MGAT5B: variants seen among roughly 807,000 people sequenced by gnomAD.
MGAT5B encodes the protein N-acetylglucosaminyl-transferase Vb.
MGAT5B carries 54 observed loss-of-function variants against 95.1 expected under a neutral mutation model. The ratio of observed to expected loss-of-function variants is 0.57; its 90% CI spans 0.46 to 0.71. MGAT5B has a LOEUF of 0.71. MGAT5B is among the 30% of genes least tolerant of loss of function. The pLI is 0.00. For missense variants in MGAT5B, 935 were observed against 1,088.6 expected (o/e 0.86, Z 1.99); for synonymous variants, 464 against 451.0 (o/e 1.03, Z -0.36).
chr17:76,903,988 C>G (rs1321800770), intron 5 of MGAT5B, among the ~76,000 whole-genome samples: 1 of 152,246 alleles, frequency 6.6e-6, no homozygotes, highest in African/African-American at 2.4e-5. Context: ...TGGCTCTTTG[C>G]CCCAGACCTT....
At chr17:76,874,755 G>A (rs376288558) in intron 2 of MGAT5B, among the ~76,000 whole-genome samples, 4 of 152,126 alleles carry the variant, frequency 2.6e-5, no homozygotes, top group Admixed American at 2.6e-4. Flanking sequence ...ATCAGACTCA[G>A]TGCCCCAGAG....
chr17:76,935,268 A>AC (rs1428034507), intron 12 of MGAT5B, among the ~76,000 whole-genome samples: 1 of 152,160 alleles, frequency 6.6e-6, no homozygotes, highest in Admixed American at 6.5e-5. Context: ...GTAGGTGGCA[A>AC]CCCATGGATA....
chr17:76,884,131 GTAAGA>G (rs1967534111), intron 3 of MGAT5B, among the ~76,000 whole-genome samples: 1 of 152,168 alleles, frequency 6.6e-6, no homozygotes, highest in African/African-American at 2.4e-5. Flanking sequence ...CTTAAGATAG[GTAAGA>G]TAAGATAGAT....
chr17:76,905,694 C>T lies in MGAT5B; in HGVS notation c.856-324C>T, dbSNP rs1968499218. Among the ~76,000 whole-genome samples, 1 of 152,098 alleles carries T rather than the reference C, an allele frequency of 6.6e-6. No homozygotes were observed. The highest frequency in any genetic ancestry group is 1.5e-5 in the Non-Finnish European group (1 of 68,004). On this transcript the variant is annotated intron_variant, in intron 7 of 17. Coordinates refer to ENST00000569840, the MANE Select transcript of MGAT5B (RefSeq NM_001199172.2). The surrounding 1 kb of genome is among the most constrained non-coding windows in gnomAD (Gnocchi z 4.2). ...TCCTTCCCTCCCTCCCTCCCTCCAC[C>T]CAGTAGATATTTACGTGGCTCTCAC...
At chr17:76,871,723 T>C (rs973933190) in intron 1 of MGAT5B, among the ~76,000 whole-genome samples, 3 of 152,044 alleles carry the variant, frequency 2.0e-5, no homozygotes, top group Non-Finnish European at 4.4e-5. Flanking sequence ...GACGTGGGGC[T>C]CTCTCCAGGG....
rs756745493 is a variant in MGAT5B at position 76,904,203 on chromosome 17, G to A, written c.520-49G>A. ...GTGCACGTGCGGGGGAGTCCCCGAG[G>A]GTCAGTGGGGCTGGCGCAGCCCCCT... On this transcript the variant is annotated intron_variant, in intron 5 of 17. Coordinates refer to ENST00000569840, the MANE Select transcript of MGAT5B (RefSeq NM_001199172.2). The A allele has an allele frequency of 1.3e-5, 20 of 1,551,100 alleles. No homozygotes were observed. In the Admixed American group the frequency reaches 2.3e-4, roughly 18 times the overall value.
chr17:76,925,125 G>T (rs201901190), intron 9 of MGAT5B, 28 bp downstream of exon 9: 1 of 1,609,440 alleles, frequency 6.2e-7, no homozygotes, highest in Non-Finnish European at 8.5e-7. Flanking sequence ...GGGTGGGCAC[G>T]TGGCCCACAT....
At position 76,905,957 on chromosome 17, in the gene MGAT5B, G is replaced by T; in HGVS notation, c.856-61G>T. The T allele has an allele frequency of 6.7e-7, 1 of 1,498,166 alleles. No homozygotes were observed. Among genetic ancestry groups the T allele is most frequent in the Non-Finnish European group, 8.9e-7 (1 of 1,125,056 alleles). The allele number at this position is 1,498,166 out of a possible 1,614,324, so 92.8% of individuals were successfully genotyped here. A position where few individuals can be genotyped will look rare whatever the true frequency, so the allele number is the denominator to read the frequency against. ...GGCTGGTCTCCTGGCCGGTGCCCCG[G>T]GGGGGCGGGGCTCAGAGCTGCTGCT... On this transcript the variant is annotated intron_variant, in intron 7 of 17. Coordinates refer to ENST00000569840, the MANE Select transcript of MGAT5B (RefSeq NM_001199172.2). This position sits in a 1 kb window ranked among gnomAD's most constrained non-coding sequence, Gnocchi z 4.2.
Position 76,868,986 on chromosome 17 carries a change from C to A in MGAT5B, c.-44C>A. 2 of 1,585,898 alleles carry A rather than the reference C, an allele frequency of 1.3e-6. No homozygotes were observed. The highest frequency in any genetic ancestry group is 2.2e-5 in the South Asian group (2 of 90,548). On this transcript the variant is annotated 5_prime_UTR_variant, in exon 1 of 18. Transcript: ENST00000569840. The surrounding 1 kb of genome is among the most constrained non-coding windows in gnomAD (Gnocchi z 6.3). Reference sequence around the variant, plus strand: ...GGCGAGAGCTGGGCCCAGGACGGTGCGTCCGGCCTCGCCCGCGGCTGCTCG... The same window carrying A: ...GGCGAGAGCTGGGCCCAGGACGGTGAGTCCGGCCTCGCCCGCGGCTGCTCG...
intron 3 of MGAT5B, among the ~76,000 whole-genome samples, chr17:76,888,168 G>C (rs1967732209): frequency 6.6e-6 from 1 of 152,170 alleles, no homozygotes; most frequent in Non-Finnish European, 1.5e-5. Flanking sequence ...GTTTGGAAGA[G>C]AGGAGTCCTC....
chr17:76,942,340 C>T (rs1881262472), intron 15 of MGAT5B, among the ~76,000 whole-genome samples: 1 of 152,088 alleles, frequency 6.6e-6, no homozygotes, highest in Admixed American at 6.5e-5. Flanking sequence ...GCAGCCTGGC[C>T]AACATGGTGA....
chr17:76,931,995 G>A (rs77135964), intron 10 of MGAT5B, among the ~76,000 whole-genome samples: 2 of 151,636 alleles, frequency 1.3e-5, no homozygotes, highest in Non-Finnish European at 1.5e-5. Context: ...GCTACTGCTG[G>A]TGGTGCTTCT....
At chr17:76,873,971 CTGGG>C (rs1967093398) in intron 2 of MGAT5B, among the ~76,000 whole-genome samples, 1 of 152,182 alleles carries the variant, frequency 6.6e-6, no homozygotes, top group Non-Finnish European at 1.5e-5. Flanking sequence ...AGGTTGTCAT[CTGGG>C]TGGGTGCTGA....
rs1969731785 is a variant in MGAT5B, at chr17:76,938,002, C to T, written c.1443C>T (p.Phe481=). ...SIWKLQGKEK[F]LGILNKYMEI... ...TCTTTTTCCAGGGGAAGGAGAAGTT[C>T]CTGGGCATCCTGAACAAATACATGG... is the stretch of plus-strand genomic sequence containing the variant. Residue 481 remains phenylalanine, a synonymous_variant, in exon 13 of 18, where the codon TTC becomes TTT. Transcript: ENST00000569840. This position sits in a 1 kb window ranked among gnomAD's most constrained non-coding sequence, Gnocchi z 4.3. 6 of 1,613,700 alleles carry T rather than the reference C, an allele frequency of 3.7e-6. No homozygotes were observed. The highest frequency in any genetic ancestry group is 1.3e-5 in the African/African-American group (1 of 74,930).
At position 76,905,251 on chromosome 17, in the gene MGAT5B, C is replaced by T; in HGVS notation, c.773C>T (p.Thr258Ile). Residue 258 changes from threonine to isoleucine, a missense_variant, in exon 7 of 18, where the codon ACC becomes ATC. Thr to Ile is a moderately conservative substitution (Grantham distance 89, BLOSUM62 -1). Around this residue, in one of 4 missense-constraint regions of MGAT5B, gnomAD observed 243 missense variants for 305.5 expected, o/e 0.80. Transcript: ENST00000569840. The surrounding 1 kb of genome is among the most constrained non-coding windows in gnomAD (Gnocchi z 4.2). ...TCCCTGATCTTCATGAAGAAGCGGA[C>T]CAAGAGGCTCACAGCCCAGTGGGCG... ...KESLIFMKKR[T>I]KRLTAQWALA... 1 of 1,613,198 alleles carries T rather than the reference C, an allele frequency of 6.2e-7. No individual in the cohort carries two copies. The highest frequency in any genetic ancestry group is 8.5e-7 in the Non-Finnish European group (1 of 1,179,588).
chr17:76,933,193 C>A, intron 11 of MGAT5B, 99 bp from the exon 12 acceptor site: 1 of 1,508,406 alleles, frequency 6.6e-7, no homozygotes, highest in Non-Finnish European at 9.1e-7. Flanking sequence ...GGGTTGGGGG[C>A]CCCAGAGAGG....
chr17:76,894,911 G>A (rs916957443), intron 3 of MGAT5B, among the ~76,000 whole-genome samples: 1 of 151,760 alleles, frequency 6.6e-6, no homozygotes, highest in Non-Finnish European at 1.5e-5. Context: ...ATTTTAAATG[G>A]CATTGATTTC....
At chr17:76,935,213 C>T (rs962619242) in intron 12 of MGAT5B, among the ~76,000 whole-genome samples, 1 of 152,156 alleles carries the variant, frequency 6.6e-6, no homozygotes, top group African/African-American at 2.4e-5. Context: ...CATTCCAGGC[C>T]CTCAGACAGT....
At chr17:76,883,544 G>A (rs1967509619) in intron 3 of MGAT5B, among the ~76,000 whole-genome samples, 1 of 152,192 alleles carries the variant, frequency 6.6e-6, no homozygotes, top group Admixed American at 6.5e-5. Flanking sequence ...GGACCTCAGA[G>A]AACAGGAGTG....
Sources: gnomAD v4.1 joint callset for allele counts (sites outside exome capture counted in the v4.1 genomes callset) on GRCh38, gnomAD v4.1.1 for gene constraint, gnomAD v4.1.1 regional missense constraint, Gnocchi (gnomAD v3.1) non-coding constraint, MANE v1.5 for transcripts, NCBI Gene and HGNC (gene_info 2026-07-23, HGNC 2026-07-21) for gene names.